SLC9A1: variants seen among roughly 807,000 people sequenced by gnomAD.
SLC9A1 encodes the protein sodium/hydrogen exchanger 1.
A neutral mutation model predicts 67.9 loss-of-function variants in SLC9A1; 22 were observed. The observed-to-expected ratio is 0.32, with a 90% CI of 0.23 to 0.46. SLC9A1 has a LOEUF of 0.46. SLC9A1 is among the 20% of genes least tolerant of loss of function. The pLI is 1.00. For synonymous variants in SLC9A1, 421 were observed against 471.8 expected (o/e 0.89, Z 1.40); for missense variants, 686 against 1,094.8 (o/e 0.63, Z 5.27).
chr1:27,103,300 G>A lies in SLC9A1; in HGVS notation c.1498C>T (p.Arg500Trp), dbSNP rs749090428. ...FTVFVQGMTIRPLVDLLAVKK... is the reference protein window; with the variant it reads ...FTVFVQGMTIWPLVDLLAVKK... ...ACAGCCAACAGGTCTACCAGGGGCC[G>A]AATGGTCATGCCCTGGGGGGCAGGC... Residue 500 changes from arginine (R) to tryptophan (W), a missense_variant, in exon 6 of 12, where the codon CGG (arginine) becomes TGG (tryptophan). This residue lies in a region of SLC9A1 where 168 missense variants were observed against 375.4 expected (regional missense o/e 0.45). Transcript: ENST00000263980. 6 of 1,613,474 alleles carry A rather than the reference G, an allele frequency of 3.7e-6. No individual in the cohort carries two copies. Among genetic ancestry groups the A allele is most frequent in the Admixed American group, 3.3e-5 (2 of 60,006 alleles).
rs867130441 is a variant in SLC9A1, at chr1:27,106,878, A to G, written c.1282+770T>C. 6.6e-6 allele frequency among the ~76,000 whole-genome samples: 1 copy of G among 152,016 alleles called. No individual in the cohort carries two copies. Reference sequence around the variant, plus strand: ...TGTGGGCCTCAGGCCCCTCATCAGGACAGCCACAGCCACAGGCTCAGAGTC... The same window carrying G: ...TGTGGGCCTCAGGCCCCTCATCAGGGCAGCCACAGCCACAGGCTCAGAGTC... On this transcript the variant is annotated intron_variant, in intron 4 of 11. Coordinates refer to ENST00000263980, the MANE Select transcript of SLC9A1 (RefSeq NM_003047.5). The surrounding 1 kb of genome is among the most constrained non-coding windows in gnomAD (Gnocchi z 4.3).
chr1:27,100,295 C>G lies in SLC9A1; in HGVS notation c.*12G>C, dbSNP rs1453946167. On this transcript the variant is annotated 3_prime_UTR_variant, in exon 12 of 12. Coordinates refer to ENST00000263980, the MANE Select transcript of SLC9A1 (RefSeq NM_003047.5). The surrounding 1 kb of genome is among the most constrained non-coding windows in gnomAD (Gnocchi z 5.6). Reference sequence around the variant, plus strand: ...TCTGTGAGGGGACAGGCGCTGCCTGCTGGCCCTGGTGTTACTGCCCCTTGG... The same window carrying G: ...TCTGTGAGGGGACAGGCGCTGCCTGGTGGCCCTGGTGTTACTGCCCCTTGG... The G allele has an allele frequency of 1.3e-6, 2 of 1,512,416 alleles. No individual in the cohort carries two copies. Among genetic ancestry groups the G allele is most frequent in the African/African-American group, 2.8e-5 (2 of 71,542 alleles). 93.7% of individuals were successfully genotyped at this position (1,512,416 alleles called of 1,614,324 possible).
rs200832905 is a variant in SLC9A1 at position 27,100,454 on chromosome 1, C to T, written c.2301G>A (p.Lys767=). 6.2e-7 allele frequency: 1 copy of T among 1,613,986 alleles called. No homozygotes were observed. Among genetic ancestry groups the T allele is most frequent in the African/African-American group, 1.3e-5 (1 of 75,052 alleles). Reference sequence around the variant, plus strand: ...CGTCGGTTCCTGGGGACGAAGTCTCCTTGCTCCGCATCATGATGCCCCCAT... The same window carrying T: ...CGTCGGTTCCTGGGGACGAAGTCTCTTTGCTCCGCATCATGATGCCCCCAT... The part of the protein sequence containing the change: ...DDDGGIMMRS[K]ETSSPGTDDV... The change falls in exon 12 of 12, where the codon AAG becomes AAA. Residue 767 remains lysine (K), a synonymous_variant. Coordinates refer to ENST00000263980, the MANE Select transcript of SLC9A1 (RefSeq NM_003047.5). The surrounding 1 kb of genome is among the most constrained non-coding windows in gnomAD (Gnocchi z 5.6).
At chr1:27,139,146 G>A (rs1304973375) in intron 1 of SLC9A1, among the ~76,000 whole-genome samples, 12 of 152,118 alleles carry the variant, frequency 7.9e-5, no homozygotes, top group Admixed American at 7.9e-4. Flanking sequence ...TTTTCCTGCA[G>A]CTGGCTGGGC....
In SLC9A1 at chr1:27,137,861, A is replaced by G. The variant is rs900379666; in HGVS notation, c.352+16122T>C. Among the ~76,000 whole-genome samples, 1 of 151,960 alleles carries G rather than the reference A, an allele frequency of 6.6e-6. No individual in the cohort carries two copies. The highest frequency in any genetic ancestry group is 1.5e-5 in the Non-Finnish European group (1 of 67,960). On this transcript the variant is annotated intron_variant, in intron 1 of 11. Transcript: ENST00000263980. This position sits in a 1 kb window ranked among gnomAD's most constrained non-coding sequence, Gnocchi z 4.6. ...CCCTCCCCAATGTGCCCCTGACTCC[A>G]CGCCCACTCTGCTCCAGCGTCCTGC...
Position 27,107,957 on chromosome 1 carries a change from GTGC to G in SLC9A1, c.1065-95_1065-93del. The G allele has an allele frequency of 3.3e-6, 3 of 922,208 alleles. No homozygotes were observed. The Admixed American group carries it at 6.1e-5, about 19-fold the overall frequency. The allele number at this position is 922,208 out of a possible 1,614,324, so 57.1% of individuals were successfully genotyped here. A position where few individuals can be genotyped will look rare whatever the true frequency, so the allele number is the denominator to read the frequency against. ...CAGGGGCAATGGGGCCACGACCAAGGTGCCCATGTCCCAAGCTCCTCTATGGGC... is the reference window on the plus strand; with the variant it reads ...CAGGGGCAATGGGGCCACGACCAAGGCCATGTCCCAAGCTCCTCTATGGGC... On this transcript the variant is annotated intron_variant, in intron 3 of 11. Transcript: ENST00000263980.
chr1:27,133,511 C>CT (rs1491582318), intron 1 of SLC9A1, among the ~76,000 whole-genome samples: 1 of 152,150 alleles, frequency 6.6e-6, no homozygotes, highest in Non-Finnish European at 1.5e-5. Context: ...CTTCATCTGA[C>CT]TAAGAGGTGA....
At chr1:27,121,559 T>C (rs560402455) in intron 1 of SLC9A1, among the ~76,000 whole-genome samples, 1 of 152,184 alleles carries the variant, frequency 6.6e-6, no homozygotes, top group South Asian at 2.1e-4. Flanking sequence ...TAAGCAGCGA[T>C]TGAGCCAGCA....
At chr1:27,148,006 A>G (rs1219076005) in intron 1 of SLC9A1, among the ~76,000 whole-genome samples, 1 of 152,138 alleles carries the variant, frequency 6.6e-6, no homozygotes, top group Non-Finnish European at 1.5e-5. Flanking sequence ...AAAAAAAAAA[A>G]GAAAAAAGAA....
At position 27,101,853 on chromosome 1, in the gene SLC9A1, T is replaced by C. The variant is rs914255709; in HGVS notation, c.1936-27A>G. On this transcript the variant is annotated intron_variant, in intron 9 of 11. Coordinates refer to ENST00000263980, the MANE Select transcript of SLC9A1 (RefSeq NM_003047.5). The surrounding 1 kb of genome is among the most constrained non-coding windows in gnomAD (Gnocchi z 4.9). ...TGTGGGAGGGACAGCGTCAGGGCAG[T>C]GCGGGCCCCGGAAGGCTCTGCTCAT... is the stretch of plus-strand genomic sequence containing the variant. The C allele has an allele frequency of 5.1e-6, 8 of 1,567,316 alleles. No individual in the cohort carries two copies. The highest frequency in any genetic ancestry group is 5.0e-5 in the Admixed American group (3 of 59,582).
chr1:27,134,488 G>A (rs1188617166), intron 1 of SLC9A1, among the ~76,000 whole-genome samples: 1 of 152,064 alleles, frequency 6.6e-6, no homozygotes, highest in Non-Finnish European at 1.5e-5. Context: ...CAAAGCTCAG[G>A]GCATTTAAGC....
chr1:27,117,773 T>C (rs1283832284), intron 1 of SLC9A1, among the ~76,000 whole-genome samples: 2 of 152,206 alleles, frequency 1.3e-5, no homozygotes, highest in African/African-American at 4.8e-5. Flanking sequence ...ACTCCCCTAG[T>C]GTCTAAGGGA....
At position 27,154,040 on chromosome 1, in the gene SLC9A1, CGT is replaced by C. The variant is rs766731372; in HGVS notation, c.293_294del (p.His98ArgfsTer119). On this transcript the variant is annotated frameshift_variant, in exon 1 of 12. Coordinates refer to ENST00000263980, the MANE Select transcript of SLC9A1 (RefSeq NM_003047.5). LOFTEE classifies it high-confidence loss of function. ...AFPVLGIDYT[H>X]VRTPFEISLW... ...AGGGAGATCTCGAAGGGGGTGCGCACGTGTGTGTAGTCGATGCCCAGGACTGG... is the reference window on the plus strand; with the variant it reads ...AGGGAGATCTCGAAGGGGGTGCGCACGTGTGTAGTCGATGCCCAGGACTGG... 46 of 1,608,328 alleles carry C rather than the reference CGT, an allele frequency of 2.9e-5. No individual in the cohort carries two copies. The highest frequency in any genetic ancestry group is 3.9e-5 in the Non-Finnish European group (46 of 1,176,428).
Position 27,122,896 on chromosome 1 carries a change from C to T in SLC9A1, c.353-8610G>A, listed in dbSNP as rs925721461. Among the ~76,000 whole-genome samples, 20 of 151,936 alleles carry T rather than the reference C, an allele frequency of 1.3e-4. No individual in the cohort carries two copies. In the East Asian group the frequency reaches 2.3e-3, roughly 18 times the overall value. ...GGACTGGGACCGGCAGTAAAGAGCC[C>T]GTGTTGTGTTGACAAGAGGCAGAGC... is the stretch of plus-strand genomic sequence containing the variant. On this transcript the variant is annotated intron_variant, in intron 1 of 11. Coordinates refer to ENST00000263980, the MANE Select transcript of SLC9A1 (RefSeq NM_003047.5).
chr1:27,101,614 C>G lies in SLC9A1; in HGVS notation c.2037+111G>C. ...CTCCATGCCCTTACACTGCTAAAAG[C>G]CCCTCGAAAGCCAAACCCTGTTCCT... is the stretch of plus-strand genomic sequence containing the variant. On this transcript the variant is annotated intron_variant, in intron 10 of 11. Transcript: ENST00000263980. The surrounding 1 kb of genome is among the most constrained non-coding windows in gnomAD (Gnocchi z 4.9). The G allele has an allele frequency of 1.3e-6, 1 of 770,544 alleles. No individual in the cohort carries two copies. The highest frequency in any genetic ancestry group is 2.7e-5 in the East Asian group (1 of 37,384). 47.7% of individuals were successfully genotyped at this position (770,544 alleles called of 1,614,324 possible). A position where few individuals can be genotyped will look rare whatever the true frequency, so the allele number is the denominator to read the frequency against.
rs1557736138 is a variant in SLC9A1, at chr1:27,101,855, CG to C, written c.1936-30del. 1 of 1,559,382 alleles carries C rather than the reference CG, an allele frequency of 6.4e-7. No homozygotes were observed. Among genetic ancestry groups the C allele is most frequent in the Admixed American group, 1.7e-5 (1 of 59,462 alleles). Reference sequence around the variant, plus strand: ...TGGGAGGGACAGCGTCAGGGCAGTGCGGGCCCCGGAAGGCTCTGCTCATGGA... The same window carrying C: ...TGGGAGGGACAGCGTCAGGGCAGTGCGGCCCCGGAAGGCTCTGCTCATGGA... On this transcript the variant is annotated intron_variant, in intron 9 of 11. Coordinates refer to ENST00000263980, the MANE Select transcript of SLC9A1 (RefSeq NM_003047.5). The surrounding 1 kb of genome is among the most constrained non-coding windows in gnomAD (Gnocchi z 4.9).
At chr1:27,143,707 G>A (rs2083465576) in intron 1 of SLC9A1, among the ~76,000 whole-genome samples, 1 of 152,320 alleles carries the variant, frequency 6.6e-6, no homozygotes, top group South Asian at 2.1e-4. Context: ...CTAAGGCCCA[G>A]GAAGGCAAAC....
intron 1 of SLC9A1, among the ~76,000 whole-genome samples, chr1:27,144,292 C>T (rs2083468645): frequency 6.6e-6 from 1 of 152,208 alleles, no homozygotes; most frequent in Non-Finnish European, 1.5e-5. Context: ...CTCTCGGCAG[C>T]TCCCCAAGGA....
intron 4 of SLC9A1, among the ~76,000 whole-genome samples, chr1:27,107,375 C>A (rs1350368146): frequency 6.9e-6 from 1 of 144,310 alleles, no homozygotes; most frequent in Non-Finnish European, 1.5e-5. Flanking sequence ...ACACACACAC[C>A]CCCAACCCCT....
Sources: allele counts gnomAD v4.1 joint callset (sites outside exome capture counted in the v4.1 genomes callset), GRCh38; gene constraint gnomAD v4.1.1; regional missense constraint gnomAD v4.1.1; non-coding constraint Gnocchi (gnomAD v3.1); transcripts MANE v1.5; gene names NCBI Gene and HGNC (gene_info 2026-07-23, HGNC 2026-07-21).